Variants in UBASH3B observed in about 807,000 individuals in gnomAD.
UBASH3B encodes ubiquitin associated and SH3 domain containing B.
A neutral mutation model predicts 83.4 loss-of-function variants in UBASH3B; 37 were observed. That is an observed-to-expected ratio of 0.44 (90% CI 0.34 to 0.58). The LOEUF is 0.58. Among genes scored for constraint, UBASH3B ranks in the 20% least tolerant of loss-of-function variants. The probability of loss-of-function intolerance (pLI) is 0.01; values close to 1 mark genes in which losing one functional copy is unlikely to be tolerated. For missense variants in UBASH3B, 657 were observed against 827.2 expected, an observed-to-expected ratio of 0.79 and a Z score of 2.52; for synonymous variants, 304 against 318.3, an observed-to-expected ratio of 0.96 and a Z score of 0.48.
chr11:122,693,419 A>G (rs758279199), intron 1 of UBASH3B, among the ~76,000 whole-genome samples: 38 of 152,346 alleles, frequency 2.5e-4, no homozygotes, highest in African/African-American at 7.9e-4. Flanking sequence ...AGGAGAAACC[A>G]TCAAGGGAAG....
chr11:122,784,229 T>C (rs1461717904), intron 5 of UBASH3B, among the ~76,000 whole-genome samples: 1 of 152,184 alleles, frequency 6.6e-6, no homozygotes, highest in Non-Finnish European at 1.5e-5. Context: ...CCGCAGCACC[T>C]GGCCAATAGT....
chr11:122,805,866 T>C (rs918866300), intron 11 of UBASH3B, among the ~76,000 whole-genome samples: 1 of 152,202 alleles, frequency 6.6e-6, no homozygotes, highest in African/African-American at 2.4e-5. Flanking sequence ...AACACAGAAA[T>C]TGAGTGGTCT....
intron 1 of UBASH3B, among the ~76,000 whole-genome samples, chr11:122,698,973 C>G (rs1256332303): frequency 6.6e-6 from 1 of 152,176 alleles, no homozygotes; most frequent in Non-Finnish European, 1.5e-5. Context: ...CCTCAGCCCC[C>G]TGAATAGCTG....
intron 1 of UBASH3B, among the ~76,000 whole-genome samples, chr11:122,696,887 C>T (rs1275308882): frequency 3.9e-5 from 6 of 152,164 alleles, no homozygotes; most frequent in African/African-American, 1.2e-4. Context: ...TCAGAGCAAG[C>T]GTGGGTGGGG....
chr11:122,688,709 A>T (rs1863843886), intron 1 of UBASH3B, among the ~76,000 whole-genome samples: 1 of 149,938 alleles, frequency 6.7e-6, no homozygotes, highest in East Asian at 2.0e-4. Flanking sequence ...CAGTAGTGCA[A>T]TCTCGGCTCA....
intron 1 of UBASH3B, among the ~76,000 whole-genome samples, chr11:122,710,853 G>A (rs1426701382): frequency 1.3e-5 from 2 of 152,082 alleles, no homozygotes; most frequent in East Asian, 3.9e-4. Context: ...CTTTGTCCTG[G>A]GGGCAGGGTG....
chr11:122,720,338 C>T (rs185286361), intron 1 of UBASH3B, among the ~76,000 whole-genome samples: 14 of 152,304 alleles, frequency 9.2e-5, no homozygotes, highest in African/African-American at 3.4e-4. Flanking sequence ...GTCAGCTTCG[C>T]CGCTTCCACA....
chr11:122,680,849 G>A (rs1431662504), intron 1 of UBASH3B, among the ~76,000 whole-genome samples: 6 of 152,162 alleles, frequency 3.9e-5, no homozygotes, highest in Non-Finnish European at 7.4e-5. Context: ...CAGAGTAAAG[G>A]ATGCGTAAAA....
At chr11:122,720,977 G>A (rs936071917) in intron 1 of UBASH3B, among the ~76,000 whole-genome samples, 5 of 151,950 alleles carry the variant, frequency 3.3e-5, no homozygotes, top group Admixed American at 6.6e-5. Flanking sequence ...CAGGCGCGGT[G>A]GCTCACGCCT....
intron 1 of UBASH3B, among the ~76,000 whole-genome samples, chr11:122,696,053 G>A (rs1029635036): frequency 3.9e-5 from 6 of 152,066 alleles, no homozygotes; most frequent in Admixed American, 2.6e-4. Flanking sequence ...AGGTTTAAGC[G>A]AATCTCCTGC....
At position 122,721,213 on chromosome 11, in the gene UBASH3B, C is replaced by T. The variant is rs555173311; in HGVS notation, c.162-55006C>T. ...TGAGCCAAGATCGCGGCACTGCACT[C>T]CAGTCTGGGCAACAGAGCAAGACTG... On this transcript the variant is annotated intron_variant, in intron 1 of 13. Transcript: ENST00000284273. Among the ~76,000 whole-genome samples the T allele has an allele frequency of 3.4e-4, 50 of 146,400 alleles. 1 individual carries two copies. In the South Asian group the frequency reaches 5.4e-3, roughly 16 times the overall value.
rs1200033056 is a variant in UBASH3B, at chr11:122,813,004, G to A, written c.*3118G>A. The A allele has an allele frequency of 6.6e-6, 1 of 152,642 alleles. No homozygotes were observed. The highest frequency in any genetic ancestry group is 6.5e-5 in the Admixed American group (1 of 15,270). 9.5% of individuals were successfully genotyped at this position (152,642 alleles called of 1,614,324 possible). On this transcript the variant is annotated 3_prime_UTR_variant, in exon 14 of 14. Transcript: ENST00000284273. ...AGAGGGGCGTATTTTTCACTCTGTAGTGAAAGGCTTGGAGGAGTTTCTACT... is the reference window on the plus strand; with the variant it reads ...AGAGGGGCGTATTTTTCACTCTGTAATGAAAGGCTTGGAGGAGTTTCTACT...
chr11:122,688,746 C>T (rs1243882903), intron 1 of UBASH3B, among the ~76,000 whole-genome samples: 1 of 150,972 alleles, frequency 6.6e-6, no homozygotes, highest in Non-Finnish European at 1.5e-5. Flanking sequence ...CCGGGTTCAC[C>T]CCATTCTCCT....
intron 1 of UBASH3B, among the ~76,000 whole-genome samples, chr11:122,753,489 TTTTC>T (rs1186066298): frequency 8.0e-6 from 1 of 124,940 alleles, no homozygotes; most frequent in African/African-American, 3.2e-5. Context: ...TCTTTATCTT[TTTTC>T]TTTCTTTTTT....
chr11:122,787,839 G>A lies in UBASH3B; in HGVS notation c.772-1261G>A, dbSNP rs76055916. Among the ~76,000 whole-genome samples, 23 of 152,330 alleles carry A rather than the reference G, an allele frequency of 1.5e-4. No individual in the cohort carries two copies. The East Asian group carries it at 3.9e-3, about 26-fold the overall frequency. On this transcript the variant is annotated intron_variant, in intron 5 of 13. Coordinates refer to ENST00000284273, the MANE Select transcript of UBASH3B (RefSeq NM_032873.5). ...GTTAGAAATATGCAAATGGAGACCA[G>A]AATATTTAGCCTTCAACTAACGGCT...
At chr11:122,808,983 A>T (rs376743077) in intron 13 of UBASH3B, among the ~76,000 whole-genome samples, 2,718 of 151,656 alleles carry the variant, frequency 0.018, 96 homozygotes, top group African/African-American at 0.062. Flanking sequence ...GGAGAAAAAA[A>T]AAACGGGTGA....
At chr11:122,727,356 A>C (rs1017678399) in intron 1 of UBASH3B, among the ~76,000 whole-genome samples, 1 of 152,166 alleles carries the variant, frequency 6.6e-6, no homozygotes, top group African/African-American at 2.4e-5. Flanking sequence ...TAAAGACATC[A>C]TGTCTTTGCT....
intron 1 of UBASH3B, among the ~76,000 whole-genome samples, chr11:122,735,716 T>C (rs1860920412): frequency 6.6e-6 from 1 of 152,100 alleles, no homozygotes; most frequent in Admixed American, 6.5e-5. Context: ...TATCTACTTG[T>C]CGAAGTGGGG....
chr11:122,656,538 C>T (rs1169670949), intron 1 of UBASH3B, among the ~76,000 whole-genome samples: 2 of 152,200 alleles, frequency 1.3e-5, no homozygotes, highest in South Asian at 2.1e-4. Context: ...TCGCGCGCTC[C>T]CCTAGGTCTC....
Sources: gnomAD v4.1 joint callset for allele counts (sites outside exome capture counted in the v4.1 genomes callset) on GRCh38, gnomAD v4.1.1 for gene constraint, MANE v1.5 for transcripts, NCBI Gene and HGNC (gene_info 2026-07-23, HGNC 2026-07-21) for gene names.